Variants in GLI2 observed in about 807,000 individuals in gnomAD.
GLI2 encodes the protein transcription activator GLI2.
In GLI2, 22 loss-of-function variants were observed where a neutral mutation model predicts 78.9. That is an observed-to-expected ratio of 0.28 (90% CI 0.20 to 0.40). The LOEUF is 0.40. GLI2 is among the 10% of genes least tolerant of loss of function. The pLI, the probability that GLI2 is intolerant of heterozygous loss-of-function variation, is 1.00. For missense variants in GLI2, 2,097 were observed against 2,213.2 expected, an observed-to-expected ratio of 0.95 and a Z score of 1.05; for synonymous variants, 974 against 963.7, an observed-to-expected ratio of 1.01 and a Z score of -0.20.
chr2:120,775,307 A>C (rs1300156201), intron 1 of GLI2, among the ~76,000 whole-genome samples: 3 of 152,218 alleles, frequency 2.0e-5, no homozygotes, highest in East Asian at 1.9e-4. Flanking sequence ...ATTGCTAATT[A>C]ATTTTCTTCC....
At chr2:120,850,472 G>C (rs948551921) in intron 2 of GLI2, among the ~76,000 whole-genome samples, 1 of 152,216 alleles carries the variant, frequency 6.6e-6, no homozygotes, top group African/African-American at 2.4e-5. Flanking sequence ...GCAGATGGGA[G>C]GGGACAATAA....
At chr2:120,890,398 G>C (rs1677620252) in intron 2 of GLI2, among the ~76,000 whole-genome samples, 1 of 151,966 alleles carries the variant, frequency 6.6e-6, no homozygotes, top group African/African-American at 2.4e-5. Context: ...TATTGAATCT[G>C]TACCTTTAAT....
At chr2:120,928,214 C>T (rs746187173) in intron 3 of GLI2, among the ~76,000 whole-genome samples, 5 of 152,100 alleles carry the variant, frequency 3.3e-5, no homozygotes, top group Non-Finnish European at 7.4e-5. Flanking sequence ...AGCCCCAAGA[C>T]CCCTCTCGAC....
chr2:120,867,007 T>C (rs1021899714), intron 2 of GLI2: 1 of 152,178 alleles, frequency 6.6e-6, no homozygotes, highest in African/African-American at 2.4e-5. Flanking sequence ...GGGAGCCGGC[T>C]CAGAAGGTGC....
rs192909507 is a variant in GLI2 at position 120,874,125 on chromosome 2, G to A, written c.149-53236G>A. 4.0e-3 allele frequency among the ~76,000 whole-genome samples: 609 copies of A among 152,180 alleles called. 3 individuals are homozygous for A. Among genetic ancestry groups the A allele is most frequent in the African/African-American group, 0.013 (535 of 41,528 alleles). On this transcript the variant is annotated intron_variant, in intron 2 of 13. Coordinates refer to ENST00000361492, the MANE Select transcript of GLI2 (RefSeq NM_001374353.1). Reference sequence around the variant, plus strand: ...GCTGCACACAGCTGGCCAGAGTGACGGTGTTCAACCGCCTGGTGCCTCCTT... The same window carrying A: ...GCTGCACACAGCTGGCCAGAGTGACAGTGTTCAACCGCCTGGTGCCTCCTT...
intron 2 of GLI2, among the ~76,000 whole-genome samples, chr2:120,855,617 G>C (rs1023363390): frequency 2.0e-5 from 3 of 152,236 alleles, no homozygotes; most frequent in African/African-American, 7.2e-5. Flanking sequence ...GAGCCCCCCA[G>C]GGGAATTGAG....
intron 1 of GLI2, among the ~76,000 whole-genome samples, chr2:120,767,117 C>A (rs1195102529): frequency 2.0e-5 from 3 of 152,222 alleles, no homozygotes; most frequent in African/African-American, 7.2e-5. Flanking sequence ...TCTAACCGAC[C>A]TCTACGTAAC....
intron 2 of GLI2, among the ~76,000 whole-genome samples, chr2:120,815,957 A>T (rs552306876): frequency 2.0e-5 from 3 of 152,154 alleles, no homozygotes; most frequent in African/African-American, 7.2e-5. Context: ...TTCCAGCTTC[A>T]TGATGGATAG....
At chr2:120,787,547 C>T (rs1446293203) in intron 1 of GLI2, among the ~76,000 whole-genome samples, 1 of 152,186 alleles carries the variant, frequency 6.6e-6, no homozygotes, top group African/African-American at 2.4e-5. Context: ...CCTGAGAGGC[C>T]TTCACCCCAG....
intron 1 of GLI2, among the ~76,000 whole-genome samples, chr2:120,754,719 C>T (rs1333834313): frequency 6.6e-6 from 1 of 152,122 alleles, no homozygotes; most frequent in Non-Finnish European, 1.5e-5. Flanking sequence ...AGTGAGGTTG[C>T]TTTGAACATT....
Position 120,883,931 on chromosome 2 carries a change from G to A in GLI2, c.149-43430G>A, listed in dbSNP as rs72835596. Among the ~76,000 whole-genome samples the A allele has an allele frequency of 8.7e-3, 1,325 of 152,276 alleles. 9 individuals are homozygous for A. The highest frequency in any genetic ancestry group is 0.013 in the Non-Finnish European group (888 of 68,008). ...AAAATTGTCTGTGCTCCAGACCCCC[G>A]CAGCAGATGAGTGTGTGGAGGCCTG... On this transcript the variant is annotated intron_variant, in intron 2 of 13. Transcript: ENST00000361492.
chr2:120,785,901 G>A (rs1264251279), intron 1 of GLI2, among the ~76,000 whole-genome samples: 1 of 152,230 alleles, frequency 6.6e-6, no homozygotes. Flanking sequence ...CAGGTAAGGG[G>A]CCCAGTGACA....
At chr2:120,926,072 CAAAAAAAAAAA>C (rs35224973) in intron 2 of GLI2, among the ~76,000 whole-genome samples, 15 of 63,238 alleles carry the variant, frequency 2.4e-4, no homozygotes, top group Non-Finnish European at 3.4e-4. Context: ...GACTCCGTCT[CAAAAAAAAAAA>C]AAAAAAAAAA....
chr2:120,850,766 CTG>C (rs1669386891), intron 2 of GLI2, among the ~76,000 whole-genome samples: 1 of 152,202 alleles, frequency 6.6e-6, no homozygotes, highest in Non-Finnish European at 1.5e-5. Flanking sequence ...GCTGTCATCA[CTG>C]TGCGAGAGGC....
At chr2:120,798,671 CGGGG>C (rs34971010) in intron 2 of GLI2, among the ~76,000 whole-genome samples, 3,698 of 152,194 alleles carry the variant, frequency 0.024, 51 homozygotes, top group Middle Eastern at 0.037. Context: ...GCCCCTTGGA[CGGGG>C]ACTCTCTAGG....
intron 1 of GLI2, among the ~76,000 whole-genome samples, chr2:120,749,100 G>T (rs1325307860): frequency 1.3e-5 from 2 of 152,146 alleles, no homozygotes; most frequent in Non-Finnish European, 2.9e-5. Context: ...TCCTACCACA[G>T]CCCTAGGCTC....
intron 9 of GLI2, among the ~76,000 whole-genome samples, chr2:120,976,190 A>G (rs1458313056): frequency 6.6e-6 from 1 of 152,216 alleles, no homozygotes; most frequent in East Asian, 1.9e-4. Flanking sequence ...GTGCACACAC[A>G]TGCACACACA....
At chr2:120,876,753 G>T (rs1688768573) in intron 2 of GLI2, among the ~76,000 whole-genome samples, 1 of 152,078 alleles carries the variant, frequency 6.6e-6, no homozygotes, top group Non-Finnish European at 1.5e-5. Flanking sequence ...GGTTCTGCTG[G>T]CTCTGCTGAG....
intron 1 of GLI2, among the ~76,000 whole-genome samples, chr2:120,747,575 G>A (rs60757248): frequency 0.011 from 1,742 of 152,320 alleles, 36 homozygotes; most frequent in African/African-American, 0.037. Context: ...GACATTTTTG[G>A]TTGTCACAAC....
Sources: allele counts gnomAD v4.1 joint callset (sites outside exome capture counted in the v4.1 genomes callset), GRCh38; gene constraint gnomAD v4.1.1; transcripts MANE v1.5; gene names NCBI Gene and HGNC (gene_info 2026-07-23, HGNC 2026-07-21).